Variants in CNTN4 observed in about 807,000 individuals in gnomAD.
The protein encoded by CNTN4 is contactin 4.
In CNTN4, 77 loss-of-function variants were observed where a neutral mutation model predicts 122.5. That is an observed-to-expected ratio of 0.63 (90% CI 0.52 to 0.76). CNTN4 has a LOEUF of 0.76. CNTN4 is among the 30% of genes least tolerant of loss of function. CNTN4 has a pLI of 0.00. For synonymous variants in CNTN4, 512 were observed against 447.0 expected (o/e 1.15, Z -1.83); for missense variants, 1,256 against 1,259.1 (o/e 1.00, Z 0.04).
At chr3:2,911,280 A>C (rs751802055) in intron 12 of CNTN4, among the ~76,000 whole-genome samples, 1 of 152,140 alleles carries the variant, frequency 6.6e-6, no homozygotes, top group Admixed American at 6.5e-5. Flanking sequence ...GGGAAATTTA[A>C]TGCTTCCTGC....
At chr3:2,750,222 T>A (rs2149596227) in intron 6 of CNTN4, among the ~76,000 whole-genome samples, 1 of 152,316 alleles carries the variant, frequency 6.6e-6, no homozygotes, top group East Asian at 1.9e-4. Context: ...TTAGATTTAC[T>A]CTAATTTATG....
rs1333107910 is a variant in CNTN4, at chr3:3,056,850, T to G, written c.*630T>G. The G allele has an allele frequency of 1.3e-5, 2 of 152,708 alleles. No individual in the cohort carries two copies. Among genetic ancestry groups the G allele is most frequent in the Non-Finnish European group, 2.9e-5 (2 of 68,098 alleles). The allele number at this position is 152,708 out of a possible 1,614,324, so 9.5% of individuals were successfully genotyped here. On this transcript the variant is annotated 3_prime_UTR_variant, in exon 25 of 25. Transcript: ENST00000418658. ...TTCATGCCGTTGTGAATTTTGTTGT[T>G]CAACCCAACTTGAGATGGTTTCAGG...
intron 6 of CNTN4, among the ~76,000 whole-genome samples, chr3:2,747,633 A>G (rs1305953524): frequency 6.6e-6 from 1 of 152,134 alleles, no homozygotes; most frequent in African/African-American, 2.4e-5. Context: ...AAACAAACAA[A>G]CAAACAAAAA....
In CNTN4 at chr3:2,291,088, A is replaced by G. The variant is rs1057096440; in HGVS notation, c.-144-48090A>G. On this transcript the variant is annotated intron_variant, in intron 2 of 24. Transcript: ENST00000418658. ...TACTTTTGAATAACTGCATCTGTCC[A>G]TGGCCACTGAGAATCTAGACCCCAT... Among the ~76,000 whole-genome samples the G allele has an allele frequency of 5.9e-5, 9 of 152,156 alleles. No individual in the cohort carries two copies. In the South Asian group the frequency reaches 6.2e-4, roughly 10 times the overall value.
chr3:2,616,228 G>C (rs1406857748), intron 4 of CNTN4, among the ~76,000 whole-genome samples: 1 of 150,054 alleles, frequency 6.7e-6, no homozygotes, highest in Non-Finnish European at 1.5e-5. Flanking sequence ...TCCCACTTAT[G>C]AGTGAGAACA....
chr3:2,383,864 A>G (rs1353217897), intron 3 of CNTN4, among the ~76,000 whole-genome samples: 5 of 151,746 alleles, frequency 3.3e-5, no homozygotes, highest in African/African-American at 1.2e-4. Flanking sequence ...TTCTGTATAC[A>G]GTTACTCCTT....
chr3:2,502,441 T>G (rs927185301), intron 3 of CNTN4, among the ~76,000 whole-genome samples: 9 of 152,128 alleles, frequency 5.9e-5, no homozygotes, highest in Non-Finnish European at 2.9e-5. Context: ...GAAGTACATT[T>G]ACATTAGATA....
chr3:2,120,854 T>A (rs1444507489), intron 2 of CNTN4, among the ~76,000 whole-genome samples: 3 of 152,172 alleles, frequency 2.0e-5, no homozygotes, highest in African/African-American at 7.2e-5. Flanking sequence ...ATTGAACATT[T>A]ACAGTGTACC....
At chr3:2,720,427 G>A (rs111648442) in intron 4 of CNTN4, among the ~76,000 whole-genome samples, 2,534 of 152,302 alleles carry the variant, frequency 0.017, 63 homozygotes, top group African/African-American at 0.057. Context: ...ACCTGGGGAA[G>A]ATTAAAGGTA....
intron 3 of CNTN4, among the ~76,000 whole-genome samples, chr3:2,468,323 A>T (rs978514924): frequency 6.6e-6 from 1 of 152,148 alleles, no homozygotes; most frequent in Non-Finnish European, 1.5e-5. Context: ...TGCGTGTTCC[A>T]TGTTGTATGC....
chr3:2,169,579 T>TATTTTTA (rs1559306674), intron 2 of CNTN4, among the ~76,000 whole-genome samples: 23 of 150,622 alleles, frequency 1.5e-4, no homozygotes, highest in African/African-American at 4.9e-4. Flanking sequence ...CTGATTTTTT[T>TATTTTTA]GTAGAGACGG....
chr3:2,449,994 A>G (rs544000913), intron 3 of CNTN4, among the ~76,000 whole-genome samples: 2 of 152,330 alleles, frequency 1.3e-5, no homozygotes, highest in East Asian at 3.9e-4. Flanking sequence ...CAGTCAGGCA[A>G]GATGAAAAAA....
intron 24 of CNTN4, 52 bp downstream of exon 24, chr3:3,054,027 C>A (rs766019986): frequency 6.3e-7 from 1 of 1,580,682 alleles, no homozygotes; most frequent in Non-Finnish European, 8.7e-7. Flanking sequence ...ATCTTATCAG[C>A]CTTCCAGATG....
chr3:2,346,398 A>T, intron 3 of CNTN4, among the ~76,000 whole-genome samples: 1 of 152,064 alleles, frequency 6.6e-6, no homozygotes, highest in East Asian at 1.9e-4. Context: ...ATTATATTTA[A>T]TACATTCAGG....
intron 2 of CNTN4, among the ~76,000 whole-genome samples, chr3:2,244,588 A>T (rs1026197402): frequency 2.6e-5 from 4 of 152,100 alleles, no homozygotes; most frequent in African/African-American, 9.7e-5. Context: ...ATATTATTAA[A>T]CTTAATTTTA....
chr3:2,622,426 G>T (rs1576253076), intron 4 of CNTN4, among the ~76,000 whole-genome samples: 1 of 152,224 alleles, frequency 6.6e-6, no homozygotes, highest in East Asian at 1.9e-4. Context: ...CAAGCAGTTG[G>T]GATTACAAGT....
chr3:2,814,838 G>A (rs145014342), intron 6 of CNTN4, among the ~76,000 whole-genome samples: 2 of 152,180 alleles, frequency 1.3e-5, no homozygotes, highest in Non-Finnish European at 2.9e-5. Context: ...TATAAATTGG[G>A]AGTTTAAAGT....
At chr3:2,454,902 G>A (rs1213101396) in intron 3 of CNTN4, among the ~76,000 whole-genome samples, 1 of 152,148 alleles carries the variant, frequency 6.6e-6, no homozygotes, top group African/African-American at 2.4e-5. Context: ...AATGTAAGTA[G>A]TGGGTGAGTA....
chr3:2,950,798 C>G (rs762806390), intron 13 of CNTN4, among the ~76,000 whole-genome samples: 2 of 152,220 alleles, frequency 1.3e-5, no homozygotes, highest in African/African-American at 2.4e-5. Context: ...TCTATTTCCA[C>G]AGCCCATGAA....
Sources: allele counts gnomAD v4.1 joint callset (sites outside exome capture counted in the v4.1 genomes callset), GRCh38; gene constraint gnomAD v4.1.1; transcripts MANE v1.5; gene names NCBI Gene and HGNC (gene_info 2026-07-23, HGNC 2026-07-21).